Variants in OTULIN observed in about 807,000 individuals in gnomAD.
OTULIN encodes the protein OTU deubiquitinase with linear linkage specificity, also known as ubiquitin thioesterase otulin.
In OTULIN, 15 loss-of-function variants were observed where a neutral mutation model predicts 39.6. That is an observed-to-expected ratio of 0.38 (90% CI 0.25 to 0.58). OTULIN has a LOEUF of 0.58. Among genes scored for constraint, OTULIN ranks in the 20% least tolerant of loss-of-function variants. OTULIN has a pLI of 0.66. For missense variants in OTULIN, 319 were observed against 445.9 expected, an observed-to-expected ratio of 0.72 and a Z score of 2.56; for synonymous variants, 156 against 170.3, an observed-to-expected ratio of 0.92 and a Z score of 0.65.
chr5:14,689,048 A>G (rs548212641), intron 5 of OTULIN, among the ~76,000 whole-genome samples: 6 of 152,310 alleles, frequency 3.9e-5, no homozygotes, highest in Non-Finnish European at 7.4e-5. Context: ...TCTCACAACT[A>G]TGAAGGTGGT....
chr5:14,666,891 T>C (rs1057204815), intron 1 of OTULIN, among the ~76,000 whole-genome samples: 2 of 152,238 alleles, frequency 1.3e-5, no homozygotes, highest in African/African-American at 2.4e-5. Context: ...AGTTGTCATA[T>C]AAACAAAGTT....
rs372745785 is a variant in OTULIN, at chr5:14,695,926, A to G, written c.*2878A>G. ...TAGCGATTTACACTTTTGTTACTCT[A>G]TTATATATTCAGTTAGTGTCTGATA... is the stretch of plus-strand genomic sequence containing the variant. On this transcript the variant is annotated 3_prime_UTR_variant, in exon 7 of 7. Transcript: ENST00000284274. 1.3e-5 allele frequency: 2 copies of G among 151,526 alleles called. No homozygotes were observed. The highest frequency in any genetic ancestry group is 2.4e-5 in the African/African-American group (1 of 41,284). 9.4% of individuals were successfully genotyped at this position (151,526 alleles called of 1,614,324 possible). A position where few individuals can be genotyped will look rare whatever the true frequency, so the allele number is the denominator to read the frequency against.
chr5:14,665,522 T>A (rs1735815178), intron 1 of OTULIN, among the ~76,000 whole-genome samples: 1 of 152,216 alleles, frequency 6.6e-6, no homozygotes, highest in Non-Finnish European at 1.5e-5. Flanking sequence ...GCTGGTTAGA[T>A]CAATTTCTTA....
At chr5:14,713,492 C>T in the OTULIN span, 1 of 1,610,296 alleles carries the variant, frequency 6.2e-7, no homozygotes, top group Admixed American at 1.7e-5. This position sits in a 1 kb window ranked among gnomAD's most constrained non-coding sequence, Gnocchi z 4.4. Flanking sequence ...CCTCTGGACA[C>T]AGTATTGAAG....
At chr5:14,707,134 C>T in the OTULIN span, 1 of 152,222 alleles carries the variant, frequency 6.6e-6, no homozygotes, top group Admixed American at 6.5e-5. Flanking sequence ...AAAGCTGGTA[C>T]TAACCGGCAC....
rs774653361 is a variant in OTULIN, at chr5:14,692,952, C to T, written c.963C>T (p.Thr321=). 33 of 1,614,052 alleles carry T rather than the reference C, an allele frequency of 2.0e-5. No homozygotes were observed. Among genetic ancestry groups the T allele is most frequent in the Middle Eastern group, 3.3e-4 (2 of 6,084 alleles). ...NTEEFITVYP[T]DPPKDWPVVT... Reference sequence around the variant, plus strand: ...AAGAATTCATCACAGTCTACCCCACCGACCCACCCAAGGACTGGCCAGTGG... The same window carrying T: ...AAGAATTCATCACAGTCTACCCCACTGACCCACCCAAGGACTGGCCAGTGG... The change falls in exon 7 of 7, where the codon ACC becomes ACT. Residue 321 remains threonine (T), a synonymous_variant. Coordinates refer to ENST00000284274, the MANE Select transcript of OTULIN (RefSeq NM_138348.6).
At position 14,690,318 on chromosome 5, in the gene OTULIN, G is replaced by A; in HGVS notation, c.864+10G>A. The A allele has an allele frequency of 6.2e-7, 1 of 1,610,306 alleles. No homozygotes were observed. The highest frequency in any genetic ancestry group is 8.5e-7 in the Non-Finnish European group (1 of 1,178,120). ...TGGTGGTCTTGAACAGGTAAGTTGT[G>A]CTTTTGAGCATGTATTACCCCAAAA... On this transcript the variant is annotated intron_variant, in intron 6 of 6. Coordinates refer to ENST00000284274, the MANE Select transcript of OTULIN (RefSeq NM_138348.6). The surrounding 1 kb of genome is among the most constrained non-coding windows in gnomAD (Gnocchi z 4.5).
chr5:14,669,530 G>A (rs1735931348), intron 1 of OTULIN, among the ~76,000 whole-genome samples: 1 of 152,150 alleles, frequency 6.6e-6, no homozygotes, highest in African/African-American at 2.4e-5. Context: ...CCAGCTCTTT[G>A]GGAGATCAAG....
At chr5:14,703,919 G>C (rs556850579), downstream of OTULIN, among the ~76,000 whole-genome samples, 1 of 152,278 alleles carries the variant, frequency 6.6e-6, no homozygotes, top group South Asian at 2.1e-4. Flanking sequence ...GAGTCTGTAG[G>C]ATGCCTAGAA....
At position 14,694,538 on chromosome 5, in the gene OTULIN, TA is replaced by T. The variant is rs1736617454; in HGVS notation, c.*1491del. ...GTCCAATTTAATATAGTTTAGAAGC[TA>T]TTTTTTTTGAGGCAAACCGTTTTTG... On this transcript the variant is annotated 3_prime_UTR_variant, in exon 7 of 7. Coordinates refer to ENST00000284274, the MANE Select transcript of OTULIN (RefSeq NM_138348.6). 1 of 152,108 alleles carries T rather than the reference TA, an allele frequency of 6.6e-6. No individual in the cohort carries two copies. Among genetic ancestry groups the T allele is most frequent in the Admixed American group, 6.5e-5 (1 of 15,290 alleles). The allele number at this position is 152,108 out of a possible 1,614,324, so 9.4% of individuals were successfully genotyped here. A position where few individuals can be genotyped will look rare whatever the true frequency, so the allele number is the denominator to read the frequency against.
chr5:14,712,959 G>T, the OTULIN span: 1 of 1,613,192 alleles, frequency 6.2e-7, no homozygotes, highest in Middle Eastern at 1.7e-4. Flanking sequence ...CACGCCCAGG[G>T]TCGCACCGTG....
At chr5:14,669,452 T>C (rs1294917512) in intron 1 of OTULIN, among the ~76,000 whole-genome samples, 1 of 151,992 alleles carries the variant, frequency 6.6e-6, no homozygotes, top group Non-Finnish European at 1.5e-5. Flanking sequence ...CTAAGTATTT[T>C]CTAACTAGGA....
At chr5:14,672,434 C>T (rs1373746364) in intron 1 of OTULIN, among the ~76,000 whole-genome samples, 1 of 152,090 alleles carries the variant, frequency 6.6e-6, no homozygotes, top group African/African-American at 2.4e-5. Context: ...CTGTACTAGG[C>T]CATATACCAG....
chr5:14,676,964 G>A (rs1320450877), intron 2 of OTULIN, among the ~76,000 whole-genome samples: 1 of 152,104 alleles, frequency 6.6e-6, no homozygotes, highest in Non-Finnish European at 1.5e-5. Flanking sequence ...TTATACCTCA[G>A]GAGTCTGCTT....
chr5:14,681,716 A>AGC (rs751858868), intron 4 of OTULIN, 109 bp downstream of exon 4: 11 of 1,257,324 alleles, frequency 8.7e-6, no homozygotes, highest in Middle Eastern at 2.8e-4. Context: ...GTATGATGTC[A>AGC]GCATGTGCGT....
chr5:14,680,930 C>T (rs1333367263), intron 3 of OTULIN, among the ~76,000 whole-genome samples: 1 of 152,114 alleles, frequency 6.6e-6, no homozygotes, highest in Admixed American at 6.5e-5. Flanking sequence ...CTTGGTGGCA[C>T]ATACCTGTAA....
At chr5:14,711,040 A>T in the OTULIN span, 20 of 721,532 alleles carry the variant, frequency 2.8e-5, no homozygotes, top group Middle Eastern at 2.5e-4. Flanking sequence ...CATACCCAGT[A>T]TGCTAGAGAA....
At chr5:14,671,394 G>A (rs1006716777) in intron 1 of OTULIN, among the ~76,000 whole-genome samples, 12 of 152,172 alleles carry the variant, frequency 7.9e-5, no homozygotes, top group Admixed American at 1.3e-4. Context: ...AACTGAGGCC[G>A]TGGGGAAGTG....
At chr5:14,701,611 T>A (rs375018113), downstream of OTULIN, among the ~76,000 whole-genome samples, 81 of 152,292 alleles carry the variant, frequency 5.3e-4, 2 homozygotes, top group South Asian at 0.017. Context: ...CAAATTCTTT[T>A]CAAATATCTA....
Sources: gnomAD v4.1 joint callset for allele counts (sites outside exome capture counted in the v4.1 genomes callset) on GRCh38, gnomAD v4.1.1 for gene constraint, Gnocchi (gnomAD v3.1) non-coding constraint, MANE v1.5 for transcripts, NCBI Gene and HGNC (gene_info 2026-07-23, HGNC 2026-07-21) for gene names.